Variants in CCNY observed in about 807,000 individuals in gnomAD.
The protein encoded by CCNY is cyclin-Y.
Under a neutral mutation model 42.8 loss-of-function variants are expected in CCNY, and 19 were observed. The observed-to-expected ratio is 0.44, with a 90% CI of 0.31 to 0.65. CCNY has a LOEUF of 0.65. CCNY is among the 30% of genes least tolerant of loss of function. The pLI is 0.07. For synonymous variants in CCNY, 165 were observed against 162.7 expected, an observed-to-expected ratio of 1.01 and a Z score of -0.11; for missense variants, 370 against 437.3, an observed-to-expected ratio of 0.85 and a Z score of 1.37.
intron 1 of CCNY, among the ~76,000 whole-genome samples, chr10:35,447,026 C>G (rs1216235121): frequency 6.6e-6 from 1 of 152,054 alleles, no homozygotes; most frequent in Non-Finnish European, 1.5e-5. Context: ...GCCTGTAATC[C>G]CAGTACTTTG....
At chr10:35,289,343 T>C (rs901277170) in intron 3 of CCNY, 3 of 152,224 alleles carry the variant, frequency 2.0e-5, no homozygotes, top group Non-Finnish European at 2.9e-5. Context: ...GTTTTACTTA[T>C]TTCTTTCCAA....
intron 7 of CCNY, among the ~76,000 whole-genome samples, chr10:35,552,481 C>A (rs1841279518): frequency 6.6e-6 from 1 of 152,124 alleles, no homozygotes; most frequent in Non-Finnish European, 1.5e-5. Flanking sequence ...TGGTAACCAC[C>A]ACACTGCAGA....
At chr10:35,529,888 T>C in intron 5 of CCNY, 85 bp from the exon 6 acceptor site, 2 of 1,250,418 alleles carry the variant, frequency 1.6e-6, no homozygotes, top group South Asian at 1.3e-5. Context: ...AAAAAAAAAG[T>C]CATTGAATTA....
intron 3 of CCNY, among the ~76,000 whole-genome samples, chr10:35,321,276 C>T (rs141655736): frequency 2.4e-4 from 37 of 151,900 alleles, no homozygotes; most frequent in African/African-American, 7.2e-4. Context: ...AAATTAAAGA[C>T]GCAAATAAAT....
chr10:35,440,587 A>C (rs1409120420), intron 1 of CCNY, among the ~76,000 whole-genome samples: 2 of 152,296 alleles, frequency 1.3e-5, no homozygotes, highest in African/African-American at 4.8e-5. Flanking sequence ...ATAAGCTTCA[A>C]GTTTTCTTCA....
At chr10:35,440,251 CCTT>C (rs1036012691) in intron 1 of CCNY, among the ~76,000 whole-genome samples, 15 of 152,174 alleles carry the variant, frequency 9.9e-5, no homozygotes, top group Middle Eastern at 3.2e-3. Context: ...CAGATTGTCT[CCTT>C]CTTCAGCTTT....
At chr10:35,495,008 T>C (rs1839978627) in intron 2 of CCNY, among the ~76,000 whole-genome samples, 1 of 152,218 alleles carries the variant, frequency 6.6e-6, no homozygotes, top group South Asian at 2.1e-4. Context: ...TCAAAGGAAA[T>C]ACTCATTGGA....
At chr10:35,515,734 T>C (rs973866619) in intron 3 of CCNY, among the ~76,000 whole-genome samples, 1 of 152,218 alleles carries the variant, frequency 6.6e-6, no homozygotes, top group African/African-American at 2.4e-5. Context: ...ACTAATCATA[T>C]TGCCCGATTG....
chr10:35,279,412 T>C (rs1835274968), intron 3 of CCNY, among the ~76,000 whole-genome samples: 1 of 152,092 alleles, frequency 6.6e-6, no homozygotes, highest in South Asian at 2.1e-4. Flanking sequence ...CTGCTCCTGG[T>C]CATGCCTTCA....
intron 2 of CCNY, among the ~76,000 whole-genome samples, chr10:35,495,440 T>C (rs538870745): frequency 1.3e-5 from 2 of 152,384 alleles, no homozygotes; most frequent in East Asian, 3.9e-4. Context: ...TTTCTCCTTA[T>C]GTTCTTCCTT....
chr10:35,338,805 GA>G (rs201747252), intron 1 of CCNY, among the ~76,000 whole-genome samples: 1 of 151,522 alleles, frequency 6.6e-6, no homozygotes, highest in African/African-American at 2.4e-5. Context: ...GATCAAAAAA[GA>G]AAAAAAAGAA....
chr10:35,248,518 T>C (rs963863075), intron 2 of CCNY, among the ~76,000 whole-genome samples: 1 of 152,088 alleles, frequency 6.6e-6, no homozygotes, highest in East Asian at 1.9e-4. Context: ...TGGTCGTGCA[T>C]GCCTGTAATC....
Position 35,514,410 on chromosome 10 carries a change from G to A in CCNY, c.265-2113G>A, listed in dbSNP as rs182192014. On this transcript the variant is annotated intron_variant, in intron 3 of 9. Coordinates refer to ENST00000374704, the MANE Select transcript of CCNY (RefSeq NM_145012.6). ...CCTTAGTTCTGGGGTGCTCAGACCC[G>A]CAGGTGGGGCAGTCCTCAGGCCAGG... 2.4e-3 allele frequency among the ~76,000 whole-genome samples: 370 copies of A among 152,316 alleles called. 13 individuals are homozygous for A. Among genetic ancestry groups the A allele is most frequent in the Admixed American group, 0.022 (329 of 15,298 alleles).
chr10:35,506,325 C>T (rs1485287051), intron 3 of CCNY, among the ~76,000 whole-genome samples: 1 of 152,162 alleles, frequency 6.6e-6, no homozygotes, highest in African/African-American at 2.4e-5. Context: ...TGCTCTGGTT[C>T]TCAGACCCCC....
intron 4 of CCNY, 111 bp downstream of exon 4, chr10:35,516,734 GGT>G: frequency 1.5e-6 from 1 of 660,182 alleles, no homozygotes; most frequent in Non-Finnish European, 2.4e-6. Flanking sequence ...CAGCTAAGCT[GGT>G]TGGTTGTGGG....
intron 1 of CCNY, among the ~76,000 whole-genome samples, chr10:35,417,282 C>G (rs1838045192): frequency 6.6e-6 from 1 of 152,186 alleles, no homozygotes; most frequent in Non-Finnish European, 1.5e-5. Context: ...CAGTGCCTTT[C>G]AGGGAGTAAG....
At chr10:35,307,360 G>A (rs753882026) in intron 3 of CCNY, among the ~76,000 whole-genome samples, 4 of 152,204 alleles carry the variant, frequency 2.6e-5, no homozygotes, top group Admixed American at 1.3e-4. Flanking sequence ...CGGCTCACGC[G>A]CATAAACGCC....
chr10:35,569,848 TTGAC>T lies in CCNY; in HGVS notation c.*681_*684del, dbSNP rs1435542627. ...CCGTTTTTCTTCAACAATGGCGAAA[TTGAC>T]TGTAGTGCTGAACCAAAAGTATCCC... On this transcript the variant is annotated 3_prime_UTR_variant, in exon 10 of 10. Coordinates refer to ENST00000374704, the MANE Select transcript of CCNY (RefSeq NM_145012.6). The T allele has an allele frequency of 6.5e-6, 1 of 152,892 alleles. No individual in the cohort carries two copies. The highest frequency in any genetic ancestry group is 1.5e-5 in the Non-Finnish European group (1 of 68,146). 9.5% of individuals were successfully genotyped at this position (152,892 alleles called of 1,614,324 possible). A position where few individuals can be genotyped will look rare whatever the true frequency, so the allele number is the denominator to read the frequency against.
intron 3 of CCNY, among the ~76,000 whole-genome samples, chr10:35,304,602 T>G (rs192166060): frequency 0.033 from 1,785 of 53,934 alleles, 610 homozygotes; most frequent in African/African-American, 0.19. Context: ...GAGCCACCGC[T>G]CCCGGCCTTT....
Sources: gnomAD v4.1 joint callset for allele counts (sites outside exome capture counted in the v4.1 genomes callset) on GRCh38, gnomAD v4.1.1 for gene constraint, MANE v1.5 for transcripts, NCBI Gene and HGNC (gene_info 2026-07-23, HGNC 2026-07-21) for gene names.